The following MGRN1 variants were observed in gnomAD, a reference collection of about 807,000 sequenced individuals.
MGRN1 encodes the protein E3 ubiquitin-protein ligase MGRN1.
Under a neutral mutation model 69.2 loss-of-function variants are expected in MGRN1, and 29 were observed. The observed-to-expected ratio is 0.42, with a 90% CI of 0.31 to 0.57. MGRN1 has a LOEUF of 0.57. MGRN1 is among the 20% of genes least tolerant of loss of function. The pLI is 0.15. For missense variants in MGRN1, 998 were observed against 796.2 expected, an observed-to-expected ratio of 1.25 and a Z score of -3.05; for synonymous variants, 470 against 344.2, an observed-to-expected ratio of 1.37 and a Z score of -4.04.
intron 4 of MGRN1, among the ~76,000 whole-genome samples, chr16:4,656,962 C>T (rs2078558201): frequency 6.6e-6 from 1 of 151,938 alleles, no homozygotes; most frequent in Admixed American, 6.6e-5. Context: ...AAAGGAAAAG[C>T]ACAGCTACAC....
At chr16:4,644,446 G>A (rs2078232901) in intron 1 of MGRN1, among the ~76,000 whole-genome samples, 1 of 151,818 alleles carries the variant, frequency 6.6e-6, no homozygotes, top group African/African-American at 2.4e-5. Context: ...AAGTAGCTGG[G>A]ATTACAGGCA....
rs756811535 is a variant in MGRN1 at position 4,652,706 on chromosome 16, G to A, written c.325G>A (p.Glu109Lys). The change falls in exon 4 of 17, where the codon GAG (glutamate) becomes AAG (lysine). Residue 109 changes from glutamate to lysine, a missense_variant. Physicochemically the swap from Glu to Lys is moderately conservative, Grantham distance 56. Transcript: ENST00000262370. ...RYKDDADSPT[E>K]DGDKPRVLYS... ...CAAAGACGATGCCGACAGCCCCACC[G>A]AGGACGGCGACAAGCCCCGGGTGCT... is the stretch of plus-strand genomic sequence containing the variant. The A allele has an allele frequency of 1.1e-5, 18 of 1,612,796 alleles. No individual in the cohort carries two copies. Among genetic ancestry groups the A allele is most frequent in the Admixed American group, 5.0e-5 (3 of 59,884 alleles).
chr16:4,679,973 C>G (rs1200781261), intron 11 of MGRN1, 59 bp from the exon 12 acceptor site: 9 of 1,535,932 alleles, frequency 5.9e-6, no homozygotes, highest in Non-Finnish European at 7.2e-6. Flanking sequence ...ACCTGTCCAG[C>G]CCACTCCAGG....
At chr16:4,664,202 G>A (rs1466520431) in intron 5 of MGRN1, 3 of 170,616 alleles carry the variant, frequency 1.8e-5, no homozygotes, top group African/African-American at 4.8e-5. Context: ...CCAGAAAAAG[G>A]AAAGCAGCAC....
intron 5 of MGRN1, among the ~76,000 whole-genome samples, chr16:4,659,302 G>A (rs2078623176): frequency 2.0e-5 from 3 of 152,202 alleles, no homozygotes. Context: ...TGTGGGTGCT[G>A]TGTGGCGTGT....
intron 10 of MGRN1, among the ~76,000 whole-genome samples, chr16:4,676,536 AGGGGCCCC>A (rs1417154528): frequency 6.6e-6 from 1 of 152,144 alleles, no homozygotes; most frequent in African/African-American, 2.4e-5. Flanking sequence ...GTGGCGGTAG[AGGGGCCCC>A]TCACAGGCGC....
At position 4,663,391 on chromosome 16, in the gene MGRN1, T is replaced by TTTTTTTTA. The variant is rs150893432; in HGVS notation, c.562-1318_562-1317insTTTTTTTA. 1.8e-4 allele frequency among the ~76,000 whole-genome samples: 22 copies of TTTTTTTTA among 123,174 alleles called. 1 individual carries two copies. Among genetic ancestry groups the TTTTTTTTA allele is most frequent in the Middle Eastern group, 4.4e-3 (1 of 228 alleles). The allele number at this position is 123,174 out of a possible 152,430, so 80.8% of individuals were successfully genotyped here. ...TTTTTTTTTTTTTTTTTTTTTTTTTTACACCTTTATTGTGTTATAATTACC... is the reference window on the plus strand; with the variant it reads ...TTTTTTTTTTTTTTTTTTTTTTTTTTTTTTTTTAACACCTTTATTGTGTTATAATTACC... On this transcript the variant is annotated intron_variant, in intron 5 of 16. Transcript: ENST00000262370.
chr16:4,653,863 C>G (rs1359504283), intron 4 of MGRN1, among the ~76,000 whole-genome samples: 2 of 152,160 alleles, frequency 1.3e-5, no homozygotes, highest in Non-Finnish European at 2.9e-5. Flanking sequence ...AGTGCTTCTC[C>G]TGCCTCAGCC....
rs188689390 is a variant in MGRN1 at position 4,665,085 on chromosome 16, C to A, written c.629-17C>A. On this transcript the variant is annotated splice_polypyrimidine_tract_variant and intron_variant, in intron 6 of 16. Transcript: ENST00000262370. The stretch of plus-strand genomic sequence containing the variant: ...CAGGCCCCGACTCTGACTACTCTGC[C>A]CCTCTCTCCCCAGCAGTGGTGGAAG... The A allele has an allele frequency of 4.8e-3, 7,750 of 1,614,120 alleles. 27 individuals carry two copies. Among genetic ancestry groups the A allele is most frequent in the South Asian group, 5.6e-3 (512 of 91,074 alleles).
rs1173119128 is a variant in MGRN1, at chr16:4,689,248, G to A, written c.*340G>A. The A allele has an allele frequency of 3.9e-6, 1 of 257,638 alleles. No individual in the cohort carries two copies. Among genetic ancestry groups the A allele is most frequent in the Non-Finnish European group, 7.4e-6 (1 of 135,052 alleles). The allele number at this position is 257,638 out of a possible 1,614,324, so 16.0% of individuals were successfully genotyped here. ...TGGCTCTGCCTGCTCCTGCAACAGT[G>A]CGGTCCCTGCCCGGAGAACTCAGGA... On this transcript the variant is annotated 3_prime_UTR_variant, in exon 17 of 17. Coordinates refer to ENST00000262370, the MANE Select transcript of MGRN1 (RefSeq NM_015246.4).
chr16:4,671,145 T>C, intron 8 of MGRN1, among the ~76,000 whole-genome samples: 1 of 152,062 alleles, frequency 6.6e-6, no homozygotes, highest in East Asian at 1.9e-4. Flanking sequence ...GTTGGGCCTG[T>C]GGGTTGGCTT....
chr16:4,682,673 T>G lies in MGRN1; in HGVS notation c.1359-150T>G, dbSNP rs1357539632. 3.2e-6 allele frequency: 3 copies of G among 933,424 alleles called. No homozygotes were observed. In the African/African-American group the frequency reaches 5.1e-5, roughly 16 times the overall value. 57.8% of individuals were successfully genotyped at this position (933,424 alleles called of 1,614,324 possible). On this transcript the variant is annotated intron_variant, in intron 13 of 16. Transcript: ENST00000262370. ...TGTTGGCCGTTTGGGTTGGTCCCGG[T>G]GGCTGGTGATGCCCTTCTCCAGGGA... is the stretch of plus-strand genomic sequence containing the variant.
chr16:4,651,361 A>G (rs72770333), intron 2 of MGRN1, among the ~76,000 whole-genome samples: 2,524 of 152,264 alleles, frequency 0.017, 36 homozygotes, highest in Non-Finnish European at 0.026. Flanking sequence ...GGGGGCGTAG[A>G]CAATTAATAC....
intron 9 of MGRN1, 127 bp downstream of exon 9, chr16:4,671,586 C>A: frequency 1.4e-6 from 1 of 709,414 alleles, no homozygotes; most frequent in Non-Finnish European, 2.3e-6. Context: ...TAGACAACAT[C>A]ATTTTTCCTT....
chr16:4,668,917 GACAT>G lies in MGRN1; in HGVS notation c.726+613_726+616del, dbSNP rs140905125. On this transcript the variant is annotated intron_variant, in intron 8 of 16. Transcript: ENST00000262370. ...ACACATTCACTCGCACACATATACAGACATACATACACACAATCACTTGCACACA... is the reference window on the plus strand; with the variant it reads ...ACACATTCACTCGCACACATATACAGACATACACACAATCACTTGCACACA... Among the ~76,000 whole-genome samples the G allele has an allele frequency of 3.0e-3, 450 of 151,386 alleles. 3 individuals are homozygous for G. Among genetic ancestry groups the G allele is most frequent in the African/African-American group, 7.6e-3 (311 of 41,158 alleles).
At chr16:4,664,285 A>G (rs1385949640) in intron 5 of MGRN1, 1 of 264,498 alleles carries the variant, frequency 3.8e-6, no homozygotes. Flanking sequence ...GTGCAATTCC[A>G]TGTAAATGAC....
At position 4,664,784 on chromosome 16, in the gene MGRN1, G is replaced by T. The variant is rs199956772; in HGVS notation, c.628+9G>T. 15 of 1,614,042 alleles carry T rather than the reference G, an allele frequency of 9.3e-6. No individual in the cohort carries two copies. The South Asian group carries it at 1.4e-4, about 15-fold the overall frequency. The stretch of plus-strand genomic sequence containing the variant: ...GGTGGACGAAGGAGATGGTGAGTGC[G>T]TCCTCTTCCGTCCTCCTGGGCGTGC... On this transcript the variant is annotated intron_variant, in intron 6 of 16. Transcript: ENST00000262370.
chr16:4,674,257 TAC>T (rs2079004804), intron 10 of MGRN1, among the ~76,000 whole-genome samples: 1 of 152,206 alleles, frequency 6.6e-6, no homozygotes, highest in Admixed American at 6.5e-5. Flanking sequence ...GTGCTGGTGT[TAC>T]AGGCATGAGC....
intron 1 of MGRN1, chr16:4,649,239 C>T (rs1399088860): frequency 6.6e-6 from 1 of 152,342 alleles, no homozygotes; most frequent in Non-Finnish European, 1.5e-5. Context: ...GGAAAGTACA[C>T]AGGGCTCAGA....
Sources: gnomAD v4.1 joint callset for allele counts (sites outside exome capture counted in the v4.1 genomes callset) on GRCh38, gnomAD v4.1.1 for gene constraint, MANE v1.5 for transcripts, NCBI Gene and HGNC (gene_info 2026-07-23, HGNC 2026-07-21) for gene names.